Variants in IGF1R observed in about 807,000 individuals in gnomAD.
IGF1R encodes the protein insulin-like growth factor 1 receptor.
A neutral mutation model predicts 144.6 loss-of-function variants in IGF1R; 44 were observed. The ratio of observed to expected loss-of-function variants is 0.30; its 90% CI spans 0.24 to 0.39. IGF1R has a LOEUF of 0.39. Among genes scored for constraint, IGF1R ranks in the 10% least tolerant of loss-of-function variants. The probability of loss-of-function intolerance (pLI) is 1.00; values close to 1 mark genes in which losing one functional copy is unlikely to be tolerated. For synonymous variants in IGF1R, 795 were observed against 722.8 expected (o/e 1.10, Z -1.60); for missense variants, 1,355 against 1,833.7 (o/e 0.74, Z 4.77).
chr15:98,895,763 T>G (rs560627416), intron 3 of IGF1R, among the ~76,000 whole-genome samples: 17 of 152,368 alleles, frequency 1.1e-4, no homozygotes, highest in African/African-American at 3.8e-4. Context: ...TAATTTACAT[T>G]GTTTTTCTTG....
chr15:98,743,465 G>A (rs964552524), intron 2 of IGF1R, among the ~76,000 whole-genome samples: 8 of 152,076 alleles, frequency 5.3e-5, no homozygotes, highest in Admixed American at 3.9e-4. Flanking sequence ...ACTAACTGTC[G>A]GAGACACCCT....
chr15:98,666,235 G>A (rs1259621524), intron 1 of IGF1R, among the ~76,000 whole-genome samples: 2 of 152,074 alleles, frequency 1.3e-5, no homozygotes, highest in Non-Finnish European at 2.9e-5. Context: ...AGGCCAGGAT[G>A]TGGAGATGTT....
intron 2 of IGF1R, among the ~76,000 whole-genome samples, chr15:98,737,148 A>G (rs2054631012): frequency 6.6e-6 from 1 of 152,184 alleles, no homozygotes; most frequent in Non-Finnish European, 1.5e-5. Context: ...GTGTGTGCAC[A>G]TGGTACCTGC....
rs1390132301 is a variant in IGF1R, at chr15:98,935,471, C to G, written c.3297+45C>G. The G allele has an allele frequency of 9.1e-7, 1 of 1,103,282 alleles. No homozygotes were observed. The allele number at this position is 1,103,282 out of a possible 1,614,324, so 68.3% of individuals were successfully genotyped here. A position where few individuals can be genotyped will look rare whatever the true frequency, so the allele number is the denominator to read the frequency against. On this transcript the variant is annotated intron_variant, in intron 17 of 20. Transcript: ENST00000650285. The surrounding 1 kb of genome is among the most constrained non-coding windows in gnomAD (Gnocchi z 4.2). ...GGTATTGCATGTTGCCTGGCCTGCT[C>G]TCTTTTCCTTTATAATCTCCCTGCA...
chr15:98,849,454 A>G (rs997366653), intron 2 of IGF1R, among the ~76,000 whole-genome samples: 1 of 152,234 alleles, frequency 6.6e-6, no homozygotes, highest in Non-Finnish European at 1.5e-5. Flanking sequence ...AAACTATGAA[A>G]GTCCTGGAAG....
intron 2 of IGF1R, among the ~76,000 whole-genome samples, chr15:98,856,525 A>T (rs1482373044): frequency 6.6e-6 from 1 of 152,244 alleles, no homozygotes; most frequent in Non-Finnish European, 1.5e-5. Flanking sequence ...ACTGTGACAT[A>T]GATGCTGTAT....
intron 1 of IGF1R, among the ~76,000 whole-genome samples, chr15:98,680,892 A>G (rs1487971829): frequency 1.4e-5 from 2 of 142,244 alleles, no homozygotes; most frequent in Admixed American, 7.1e-5. Flanking sequence ...CCTTCTTACT[A>G]TATTTTTATT....
chr15:98,812,976 C>T (rs1326445795), intron 2 of IGF1R, among the ~76,000 whole-genome samples: 2 of 152,108 alleles, frequency 1.3e-5, no homozygotes, highest in Admixed American at 6.6e-5. Flanking sequence ...AGTCTTCTAT[C>T]GAAAAACAGT....
At chr15:98,811,922 C>CA (rs57861816) in intron 2 of IGF1R, among the ~76,000 whole-genome samples, 1,668 of 151,794 alleles carry the variant, frequency 0.011, 37 homozygotes, top group African/African-American at 0.039. Flanking sequence ...GACTCTGTCT[C>CA]AAAAAAAATA....
At chr15:98,664,690 CAAA>C (rs573877268) in intron 1 of IGF1R, among the ~76,000 whole-genome samples, 7 of 69,560 alleles carry the variant, frequency 1.0e-4, no homozygotes, top group Admixed American at 1.7e-4. Flanking sequence ...GACTCCATGT[CAAA>C]AAAAAAAAAA....
intron 2 of IGF1R, among the ~76,000 whole-genome samples, chr15:98,872,850 AAAAAC>A (rs778290356): frequency 1.5e-4 from 22 of 144,692 alleles, no homozygotes; most frequent in South Asian, 1.1e-3. Context: ...AATTAAAAAA[AAAAAC>A]AAAACAGACA....
In IGF1R at chr15:98,652,325, C is replaced by T. The variant is rs2052389098; in HGVS notation, c.94+2650C>T. ...ACCCATCTCCTTAAAAGGATTCAGT[C>T]ATCTTTCTACCCCAGGCATCCTGTT... On this transcript the variant is annotated intron_variant, in intron 1 of 20. Transcript: ENST00000650285. 2.6e-5 allele frequency among the ~76,000 whole-genome samples: 4 copies of T among 152,224 alleles called. No individual in the cohort carries two copies. In the South Asian group the frequency reaches 8.3e-4, roughly 32 times the overall value.
Position 98,964,213 on chromosome 15 carries a change from T to C in IGF1R, c.*6771T>C, listed in dbSNP as rs886051624. ...TCTGAGTTTTCTTGTTAAAAAAAAA[T>C]TTTTTTAAGTAAGAAAAAAAAAGGT... On this transcript the variant is annotated 3_prime_UTR_variant, in exon 21 of 21. Coordinates refer to ENST00000650285, the MANE Select transcript of IGF1R (RefSeq NM_000875.5). 3 of 231,668 alleles carry C rather than the reference T, an allele frequency of 1.3e-5. No individual in the cohort carries two copies. The highest frequency in any genetic ancestry group is 6.6e-5 in the African/African-American group (3 of 45,118). 14.4% of individuals were successfully genotyped at this position (231,668 alleles called of 1,614,324 possible).
chr15:98,748,955 G>A (rs146283761), intron 2 of IGF1R, among the ~76,000 whole-genome samples: 6 of 152,238 alleles, frequency 3.9e-5, no homozygotes, highest in Non-Finnish European at 8.8e-5. Context: ...TATTGCACGT[G>A]GAATATCTTA....
At chr15:98,898,248 G>A (rs1158238915) in intron 4 of IGF1R, among the ~76,000 whole-genome samples, 1 of 152,144 alleles carries the variant, frequency 6.6e-6, no homozygotes, top group African/African-American at 2.4e-5. Flanking sequence ...TACCTTTTGA[G>A]TGCCTAAACT....
At chr15:98,837,247 GT>G (rs1162508202) in intron 2 of IGF1R, among the ~76,000 whole-genome samples, 1 of 151,912 alleles carries the variant, frequency 6.6e-6, no homozygotes, top group Non-Finnish European at 1.5e-5. Context: ...TTGTTTGTTT[GT>G]TTTTTTGTTT....
At chr15:98,662,918 G>A (rs2141180137) in intron 1 of IGF1R, among the ~76,000 whole-genome samples, 1 of 152,258 alleles carries the variant, frequency 6.6e-6, no homozygotes, top group African/African-American at 2.4e-5. Flanking sequence ...GCTAGAGAAT[G>A]AGGAGCGCTG....
intron 13 of IGF1R, among the ~76,000 whole-genome samples, chr15:98,925,688 A>AG (rs1216775435): frequency 6.6e-6 from 1 of 152,220 alleles, no homozygotes; most frequent in Non-Finnish European, 1.5e-5. Flanking sequence ...GGATCTCTTG[A>AG]GGTCAGGAGT....
intron 2 of IGF1R, among the ~76,000 whole-genome samples, chr15:98,867,780 A>G (rs112594019): frequency 4.6e-5 from 7 of 152,344 alleles, no homozygotes; most frequent in South Asian, 2.1e-4. Flanking sequence ...ATTAAACACT[A>G]TGTTTGATGT....
Sources: gnomAD v4.1 joint callset for allele counts (sites outside exome capture counted in the v4.1 genomes callset) on GRCh38, gnomAD v4.1.1 for gene constraint, Gnocchi (gnomAD v3.1) non-coding constraint, MANE v1.5 for transcripts, NCBI Gene and HGNC (gene_info 2026-07-23, HGNC 2026-07-21) for gene names.